Variants in NSD2 observed in about 807,000 individuals in gnomAD.
NSD2 encodes histone-lysine N-methyltransferase NSD2.
Under a neutral mutation model 139.0 loss-of-function variants are expected in NSD2, and 12 were observed. The observed-to-expected ratio is 0.09, with a 90% confidence interval of 0.06 to 0.14. The LOEUF is 0.14. Among genes scored for constraint, NSD2 ranks in the 10% least tolerant of loss-of-function variants. The pLI is 1.00. For missense variants in NSD2, 1,155 were observed against 1,745.0 expected (o/e 0.66, Z 6.02); for synonymous variants, 669 against 648.7 (o/e 1.03, Z -0.48).
At chr4:1,938,408 T>TTTTA in intron 7 of NSD2, 43 bp from the exon 8 acceptor site, 1 of 1,208,052 alleles carries the variant, frequency 8.3e-7, no homozygotes, top group Non-Finnish European at 1.1e-6. Context: ...TTTCTTTTTT[T>TTTTA]TTTCTTTCTT....
In NSD2 at chr4:1,955,009, T is replaced by G; in HGVS notation, c.2339-152T>G. 1.1e-6 allele frequency: 1 copy of G among 906,880 alleles called. No individual in the cohort carries two copies. Among genetic ancestry groups the G allele is most frequent in the Non-Finnish European group, 1.6e-6 (1 of 606,724 alleles). 56.2% of individuals were successfully genotyped at this position (906,880 alleles called of 1,614,324 possible). A position where few individuals can be genotyped will look rare whatever the true frequency, so the allele number is the denominator to read the frequency against. ...TCTCAAACATGGTTTTGAAGCACCT[T>G]TGCTCTGAAAGCTTTTTTTAAATCA... On this transcript the variant is annotated intron_variant, in intron 12 of 21. Coordinates refer to ENST00000508803, the MANE Select transcript of NSD2 (RefSeq NM_001042424.3). The surrounding 1 kb of genome is among the most constrained non-coding windows in gnomAD (Gnocchi z 4.7).
At chr4:1,874,180 G>A (rs1004876136) in intron 1 of NSD2, among the ~76,000 whole-genome samples, 2 of 152,134 alleles carry the variant, frequency 1.3e-5, no homozygotes, top group Non-Finnish European at 1.5e-5. Flanking sequence ...TTTTTGGTGG[G>A]CTGCTCATGG....
At chr4:1,899,450 G>A (rs1472919259) in intron 1 of NSD2, 1 of 152,242 alleles carries the variant, frequency 6.6e-6, no homozygotes, top group Non-Finnish European at 1.5e-5. Flanking sequence ...ATGAGGTTAA[G>A]TGTCCCTGGG....
Position 1,978,938 on chromosome 4 carries a change from G to C in NSD2, c.*29G>C. 6.9e-7 allele frequency: 1 copy of C among 1,458,158 alleles called. No homozygotes were observed. The highest frequency in any genetic ancestry group is 2.5e-5 in the East Asian group (1 of 39,992). 90.3% of individuals were successfully genotyped at this position (1,458,158 alleles called of 1,614,324 possible). ...CAGGCGGCCGCTTGGCCGGATCCAG[G>C]GGCGGTGCAGGGCGGCCGGCCCTGC... is the stretch of plus-strand genomic sequence containing the variant. On this transcript the variant is annotated 3_prime_UTR_variant, in exon 22 of 22. Transcript: ENST00000508803.
At chr4:1,957,568 G>A (rs1023462504) in intron 15 of NSD2, among the ~76,000 whole-genome samples, 2 of 151,752 alleles carry the variant, frequency 1.3e-5, no homozygotes, top group Admixed American at 6.6e-5. Flanking sequence ...GATTACAGGC[G>A]TGAGCCACTG....
chr4:1,872,583 TGTGTGTGTGAGAGAGAGAGAGA>T (rs1444070934), intron 1 of NSD2, among the ~76,000 whole-genome samples: 75 of 62,690 alleles, frequency 1.2e-3, no homozygotes, highest in African/African-American at 3.8e-3. Flanking sequence ...TGTGTGTGTG[TGTGTGTGTGAGAGAGAGAGAGA>T]GAGAGAGAGA....
chr4:1,952,679 C>G, intron 11 of NSD2: 1 of 1,052,064 alleles, frequency 9.5e-7, no homozygotes, highest in Non-Finnish European at 1.2e-6. Context: ...GCCTCAGTTT[C>G]AACAGAAAGA....
At chr4:1,909,212 T>C (rs115476405) in intron 3 of NSD2, among the ~76,000 whole-genome samples, 2,490 of 152,230 alleles carry the variant, frequency 0.016, 32 homozygotes, top group Middle Eastern at 0.024. Context: ...CCTCTTTACG[T>C]TCTGGTACAA....
chr4:1,953,310 T>C lies in NSD2; in HGVS notation c.2138-14T>C. On this transcript the variant is annotated splice_polypyrimidine_tract_variant and intron_variant, in intron 11 of 21. Coordinates refer to ENST00000508803, the MANE Select transcript of NSD2 (RefSeq NM_001042424.3). ...TGCACCTCTCTCTCCACCCCTTCTT[T>C]AACTTTTTGTTAGGGATTCACTCAT... The C allele has an allele frequency of 6.2e-7, 1 of 1,614,270 alleles. No homozygotes were observed. The highest frequency in any genetic ancestry group is 8.5e-7 in the Non-Finnish European group (1 of 1,180,048).
At chr4:1,872,635 A>AGAGAGAGG (rs1179623184) in intron 1 of NSD2, among the ~76,000 whole-genome samples, 1 of 120,090 alleles carries the variant, frequency 8.3e-6, no homozygotes, top group African/African-American at 2.9e-5. Flanking sequence ...AGAGAGAGAG[A>AGAGAGAGG]GCGCGCAGAC....
chr4:1,899,756 C>G (rs1716914923), intron 1 of NSD2, among the ~76,000 whole-genome samples: 1 of 152,228 alleles, frequency 6.6e-6, no homozygotes, highest in South Asian at 2.1e-4. Context: ...AGCGAGTTAC[C>G]TTCCTAAACT....
At chr4:1,940,632 C>G (rs1722991182) in intron 9 of NSD2, 24 of 1,062,158 alleles carry the variant, frequency 2.3e-5, no homozygotes, top group Non-Finnish European at 2.3e-5. Context: ...GACATGGGTC[C>G]TGTTTTTGTC....
At chr4:1,975,192 C>G (rs905524686) in intron 19 of NSD2, 102 bp from the exon 20 acceptor site, 1 of 1,415,426 alleles carries the variant, frequency 7.1e-7, no homozygotes, top group Non-Finnish European at 9.8e-7. Flanking sequence ...AGTACAGATA[C>G]AAAAATAATA....
chr4:1,882,529 T>C (rs1192758084), intron 1 of NSD2, among the ~76,000 whole-genome samples: 2 of 152,244 alleles, frequency 1.3e-5, no homozygotes, highest in African/African-American at 4.8e-5. Context: ...CTGGGCGTGG[T>C]GGCGGGCGCC....
chr4:1,898,770 A>C (rs573643575), intron 1 of NSD2, among the ~76,000 whole-genome samples: 15 of 151,184 alleles, frequency 9.9e-5, no homozygotes, highest in Non-Finnish European at 1.8e-4. Context: ...TCAGCCTGGA[A>C]TTTGGGCAGA....
At position 1,974,405 on chromosome 4, in the gene NSD2, G is replaced by T. The variant is rs1726842639; in HGVS notation, c.3373-458G>T. Among the ~76,000 whole-genome samples, 1 of 152,092 alleles carries T rather than the reference G, an allele frequency of 6.6e-6. No homozygotes were observed. The highest frequency in any genetic ancestry group is 2.4e-5 in the African/African-American group (1 of 41,402). ...TTTTTTGTATTTTTAGTAGAGATGG[G>T]GGTTCACCATGTTGGCTAGTCTGGT... On this transcript the variant is annotated intron_variant, in intron 18 of 21. Coordinates refer to ENST00000508803, the MANE Select transcript of NSD2 (RefSeq NM_001042424.3). This position sits in a 1 kb window ranked among gnomAD's most constrained non-coding sequence, Gnocchi z 4.0.
chr4:1,877,688 C>A (rs566402125), intron 1 of NSD2, among the ~76,000 whole-genome samples: 75 of 152,294 alleles, frequency 4.9e-4, no homozygotes, highest in African/African-American at 1.6e-3. Flanking sequence ...TCATTCTGTT[C>A]CAGCCACACG....
chr4:1,921,273 C>T (rs868099645), intron 5 of NSD2, among the ~76,000 whole-genome samples: 3 of 152,072 alleles, frequency 2.0e-5, no homozygotes, highest in Non-Finnish European at 2.9e-5. Context: ...GCCTGGCCAA[C>T]ATGGTGAAAC....
At chr4:1,906,573 T>C (rs922096241) in intron 3 of NSD2, among the ~76,000 whole-genome samples, 3 of 151,912 alleles carry the variant, frequency 2.0e-5, no homozygotes, top group African/African-American at 7.3e-5. Context: ...TTTCCCTGCC[T>C]TGGAGTTAAG....
Sources: allele counts gnomAD v4.1 joint callset (sites outside exome capture counted in the v4.1 genomes callset), GRCh38; gene constraint gnomAD v4.1.1; non-coding constraint Gnocchi (gnomAD v3.1); transcripts MANE v1.5; gene names NCBI Gene and HGNC (gene_info 2026-07-23, HGNC 2026-07-21).